The following CFHR2 variants were observed in gnomAD, a reference collection of about 807,000 sequenced individuals.
The protein encoded by CFHR2 is complement factor H related 2.
In CFHR2, 22 loss-of-function variants were observed where a neutral mutation model predicts 21.7. That is an observed-to-expected ratio of 1.01 (90% CI 0.72 to 1.45). The LOEUF is 1.45. Ranked by LOEUF, CFHR2 falls within the 40% of genes most tolerant of loss-of-function variation. The probability of loss-of-function intolerance (pLI) is 0.00; values close to 1 mark genes in which losing one functional copy is unlikely to be tolerated. For missense variants in CFHR2, 294 were observed against 293.3 expected (o/e 1.00, Z -0.02); for synonymous variants, 98 against 97.4 (o/e 1.01, Z -0.04).
At position 196,952,508 on chromosome 1, in the gene CFHR2, C is replaced by G. The variant is rs1571490705; in HGVS notation, c.430+1480C>G. 4.6e-5 allele frequency among the ~76,000 whole-genome samples: 7 copies of G among 152,292 alleles called. 1 individual carries two copies. Among genetic ancestry groups the G allele is most frequent in the Admixed American group, 4.6e-4 (7 of 15,292 alleles). ...GTGATGGCATAAATATTTCCATGCT[C>G]TATGTCATGAACAAGCTCTCTTCAT... On this transcript the variant is annotated intron_variant, in intron 3 of 4. Coordinates refer to ENST00000367415, the MANE Select transcript of CFHR2 (RefSeq NM_005666.4).
At chr1:196,946,982 T>C (rs1219539036) in intron 1 of CFHR2, among the ~76,000 whole-genome samples, 4 of 152,200 alleles carry the variant, frequency 2.6e-5, no homozygotes, top group Non-Finnish European at 5.9e-5. Context: ...ATGTGAGTAA[T>C]ATATTACACT....
intron 2 of CFHR2, among the ~76,000 whole-genome samples, chr1:196,950,612 T>G (rs1659688241): frequency 1.3e-5 from 2 of 152,204 alleles, no homozygotes; most frequent in Middle Eastern, 3.4e-3. Flanking sequence ...TAGCTGGAAT[T>G]ACAAGTGCAC....
rs143584673 is a variant in CFHR2, at chr1:196,949,065, G to GA, written c.59-386dup. On this transcript the variant is annotated intron_variant, in intron 1 of 4. Coordinates refer to ENST00000367415, the MANE Select transcript of CFHR2 (RefSeq NM_005666.4). ...ACCTATGACAGTCAATGAGAATAGA[G>GA]AAAATAAGTAAATTGAGAGCTAAGA... Among the ~76,000 whole-genome samples the GA allele has an allele frequency of 8.8e-3, 1,333 of 152,250 alleles. 21 individuals carry two copies. Among genetic ancestry groups the GA allele is most frequent in the African/African-American group, 0.029 (1,216 of 41,546 alleles).
intron 3 of CFHR2, 39 bp from the exon 4 acceptor site, chr1:196,957,852 T>G (rs1652952181): frequency 6.3e-7 from 1 of 1,582,194 alleles, no homozygotes; most frequent in African/African-American, 1.4e-5. Flanking sequence ...ACTTGTATTT[T>G]TATTTACTCT....
At chr1:196,958,248 T>C (rs999214147) in intron 4 of CFHR2, among the ~76,000 whole-genome samples, 175 bp downstream of exon 4, 3 of 152,098 alleles carry the variant, frequency 2.0e-5, no homozygotes, top group African/African-American at 4.8e-5. Flanking sequence ...TTTATATTTA[T>C]ATTTTATTTA....
In CFHR2 at chr1:196,958,755, C is replaced by A. The variant is rs141130561; in HGVS notation, c.614-126C>A. On this transcript the variant is annotated intron_variant, in intron 4 of 4. Coordinates refer to ENST00000367415, the MANE Select transcript of CFHR2 (RefSeq NM_005666.4). ...TTAAATCTATATTTTGTTTTTACAG[C>A]ATTAGTTTGGAAAGGATTTTGAGAA... 428 of 622,374 alleles carry A rather than the reference C, an allele frequency of 6.9e-4. 1 individual carries two copies. In the African/African-American group the frequency reaches 7.3e-3, roughly 11 times the overall value. 38.6% of individuals were successfully genotyped at this position (622,374 alleles called of 1,614,324 possible).
intron 3 of CFHR2, among the ~76,000 whole-genome samples, chr1:196,954,847 G>C (rs994339977): frequency 6.6e-6 from 1 of 152,234 alleles, no homozygotes; most frequent in Non-Finnish European, 1.5e-5. Context: ...GTACCAGGTC[G>C]TGAGGCTGCA....
chr1:196,955,150 C>G (rs1203033418), intron 3 of CFHR2, among the ~76,000 whole-genome samples: 1 of 152,086 alleles, frequency 6.6e-6, no homozygotes, highest in South Asian at 2.1e-4. Context: ...CTCCAGTTAC[C>G]CTAAATCATC....
intron 1 of CFHR2, among the ~76,000 whole-genome samples, chr1:196,948,685 T>G (rs752443642): frequency 8.5e-5 from 13 of 152,172 alleles, no homozygotes; most frequent in Non-Finnish European, 1.5e-4. Context: ...TTTTATTGTT[T>G]TATTGTCTTT....
chr1:196,950,706 C>T (rs1420217486), intron 2 of CFHR2, 146 bp from the exon 3 acceptor site: 5 of 862,328 alleles, frequency 5.8e-6, no homozygotes, highest in Non-Finnish European at 9.1e-6. Flanking sequence ...CTCATGGCCT[C>T]AAATGATCCA....
At position 196,950,518 on chromosome 1, in the gene CFHR2, G is replaced by T. The variant is rs190052804; in HGVS notation, c.254-334G>T. On this transcript the variant is annotated intron_variant, in intron 2 of 4. Transcript: ENST00000367415. ...AGACAGAGTCTCATTCTGTCACCCAGGCTGAAGTGCAGTGGTGCCATCTCG... is the reference window on the plus strand; with the variant it reads ...AGACAGAGTCTCATTCTGTCACCCATGCTGAAGTGCAGTGGTGCCATCTCG... Among the ~76,000 whole-genome samples, 294 of 152,216 alleles carry T rather than the reference G, an allele frequency of 1.9e-3. 1 individual carries two copies. Among genetic ancestry groups the T allele is most frequent in the African/African-American group, 6.7e-3 (280 of 41,530 alleles).
At chr1:196,954,021 G>C (rs990658803) in intron 3 of CFHR2, among the ~76,000 whole-genome samples, 2 of 152,228 alleles carry the variant, frequency 1.3e-5, no homozygotes, top group African/African-American at 4.8e-5. Context: ...TTCATAATGA[G>C]TTAGTTTTTA....
rs1013310394 is a variant in CFHR2, at chr1:196,959,302, T to C, written c.*222T>C. 1 of 438,994 alleles carries C rather than the reference T, an allele frequency of 2.3e-6. No individual in the cohort carries two copies. The highest frequency in any genetic ancestry group is 4.0e-6 in the Non-Finnish European group (1 of 247,860). 27.2% of individuals were successfully genotyped at this position (438,994 alleles called of 1,614,324 possible). ...AACCTAGGAATTGTCTTTTTTTTTC[T>C]TTTTAAAAAAATTGACAATAACTGT... is the stretch of plus-strand genomic sequence containing the variant. On this transcript the variant is annotated 3_prime_UTR_variant, in exon 5 of 5. Coordinates refer to ENST00000367415, the MANE Select transcript of CFHR2 (RefSeq NM_005666.4).
At chr1:196,950,014 C>T (rs1390078845) in intron 2 of CFHR2, among the ~76,000 whole-genome samples, 1 of 152,114 alleles carries the variant, frequency 6.6e-6, no homozygotes, top group African/African-American at 2.4e-5. Flanking sequence ...CATTCTTTTG[C>T]ATATTACAAG....
Position 196,958,050 on chromosome 1 carries a change from G to A in CFHR2, c.590G>A (p.Trp197Ter). 2 of 1,613,366 alleles carry A rather than the reference G, an allele frequency of 1.2e-6. No individual in the cohort carries two copies. Among genetic ancestry groups the A allele is most frequent in the African/African-American group, 1.3e-5 (1 of 74,946 alleles). The change falls in exon 4 of 5, where the codon TGG becomes TAG. Residue 197 changes from tryptophan (W) to a stop codon, truncating the protein, a stop_gained. Transcript: ENST00000367415. LOFTEE classifies it low-confidence loss of function (END_TRUNC). ...NNQITCRNGQWSEPPKCLDPC... is the reference protein window; with the variant it reads ...NNQITCRNGQ ...CAAATAACATGTAGAAACGGACAAT[G>A]GTCAGAACCACCAAAATGCTTAGGT... is the stretch of plus-strand genomic sequence containing the variant.
chr1:196,952,728 C>T (rs1272721556), intron 3 of CFHR2, among the ~76,000 whole-genome samples: 1 of 152,198 alleles, frequency 6.6e-6, no homozygotes, highest in Non-Finnish European at 1.5e-5. Flanking sequence ...TGTCTGAGAA[C>T]TAGAATCAAC....
chr1:196,954,818 G>A (rs1652805713), intron 3 of CFHR2, among the ~76,000 whole-genome samples: 1 of 152,258 alleles, frequency 6.6e-6, no homozygotes, highest in Non-Finnish European at 1.5e-5. Context: ...TGGAGCTGGA[G>A]CAGCTAGGAC....
intron 3 of CFHR2, among the ~76,000 whole-genome samples, chr1:196,952,763 C>T (rs1652669513): frequency 6.6e-6 from 1 of 152,182 alleles, no homozygotes; most frequent in Admixed American, 6.6e-5. Context: ...GTTCTGGTTC[C>T]ATTCAGTGGG....
chr1:196,949,601 C>A lies in CFHR2; in HGVS notation c.205C>A (p.Arg69Ser). 6.2e-7 allele frequency: 1 copy of A among 1,613,992 alleles called. No individual in the cohort carries two copies. Among genetic ancestry groups the A allele is most frequent in the South Asian group, 1.1e-5 (1 of 91,086 alleles). Reference protein sequence around the residue: ...FVSPSKSFWTRITCAEEGWSP... With the variant: ...FVSPSKSFWTSITCAEEGWSP... ...GTCTCCTTCAAAATCCTTTTGGACT[C>A]GCATAACGTGCGCAGAAGAAGGATG... The change falls in exon 2 of 5, where the codon CGC becomes AGC. Residue 69 changes from arginine to serine, a missense_variant. Coordinates refer to ENST00000367415, the MANE Select transcript of CFHR2 (RefSeq NM_005666.4).
Sources: allele counts gnomAD v4.1 joint callset (sites outside exome capture counted in the v4.1 genomes callset), GRCh38; gene constraint gnomAD v4.1.1; transcripts MANE v1.5; gene names NCBI Gene and HGNC (gene_info 2026-07-23, HGNC 2026-07-21).